The following PARVB variants were observed in gnomAD, a reference collection of about 807,000 sequenced individuals.
PARVB encodes beta-parvin.
Under a neutral mutation model 47.0 loss-of-function variants are expected in PARVB, and 46 were observed. That is an observed-to-expected ratio of 0.98 (90% CI 0.77 to 1.25). The LOEUF (loss-of-function observed/expected upper bound fraction) is 1.25, where lower values mean the gene tolerates loss of function less well. Ranked by LOEUF, PARVB falls within the 50% of genes most tolerant of loss-of-function variation. PARVB has a pLI of 0.00. For missense variants in PARVB, 473 were observed against 471.6 expected, an observed-to-expected ratio of 1.00 and a Z score of -0.03; for synonymous variants, 196 against 196.3, an observed-to-expected ratio of 1.00 and a Z score of 0.01.
At chr22:44,142,376 TCAAAAAAAAAA>T (rs2053570097) in intron 8 of PARVB, 1 of 38,104 alleles carries the variant, frequency 2.6e-5, no homozygotes, top group Non-Finnish European at 4.1e-5. Flanking sequence ...AGACTCTGTC[TCAAAAAAAAAA>T]AAAAAAAAAA....
At chr22:44,132,056 CG>C (rs1257063708) in intron 5 of PARVB, among the ~76,000 whole-genome samples, 2 of 152,192 alleles carry the variant, frequency 1.3e-5, no homozygotes, top group African/African-American at 4.8e-5. Context: ...GACATGAACC[CG>C]GCAGGTGAAA....
At chr22:44,104,722 C>G (rs1200436448) in intron 3 of PARVB, 1 of 152,360 alleles carries the variant, frequency 6.6e-6, no homozygotes, top group African/African-American at 2.4e-5. Context: ...TTCACTGCCC[C>G]AGCCACCCTG....
intron 1 of PARVB, among the ~76,000 whole-genome samples, chr22:44,058,889 C>T (rs2051366086): frequency 6.6e-6 from 1 of 151,784 alleles, no homozygotes; most frequent in South Asian, 2.1e-4. Context: ...ATTCAACCCA[C>T]AGTACCTGGT....
chr22:44,079,400 C>T (rs578175479), intron 1 of PARVB, among the ~76,000 whole-genome samples: 2 of 152,254 alleles, frequency 1.3e-5, no homozygotes, highest in East Asian at 3.9e-4. Flanking sequence ...TTCTTGGGGA[C>T]AAAGAGGAGA....
At chr22:44,006,137 G>T (rs943592480) in intron 2 of PARVB, among the ~76,000 whole-genome samples, 1 of 152,198 alleles carries the variant, frequency 6.6e-6, no homozygotes, top group African/African-American at 2.4e-5. Flanking sequence ...TAGAGGCAGG[G>T]TCTTGCTATG....
intron 3 of PARVB, among the ~76,000 whole-genome samples, chr22:44,101,673 G>C (rs1024396577): frequency 2.0e-5 from 3 of 150,898 alleles, no homozygotes; most frequent in African/African-American, 4.9e-5. Flanking sequence ...GCTTGAACCT[G>C]AGAGGCAGAT....
intron 1 of PARVB, among the ~76,000 whole-genome samples, chr22:44,087,849 T>G (rs2052062880): frequency 6.6e-6 from 1 of 150,610 alleles, no homozygotes; most frequent in African/African-American, 2.4e-5. Flanking sequence ...CGATGGTGTT[T>G]TTTTTTTTTT....
chr22:44,017,925 G>A (rs1307595878), intron 2 of PARVB, among the ~76,000 whole-genome samples: 1 of 152,140 alleles, frequency 6.6e-6, no homozygotes, highest in Admixed American at 6.5e-5. Flanking sequence ...GAATGATGTT[G>A]CATGTCACGT....
chr22:44,151,499 T>G lies in PARVB; in HGVS notation c.791T>G (p.Val264Gly), dbSNP rs113622568. The G allele has an allele frequency of 6.2e-7, 1 of 1,613,936 alleles. No individual in the cohort carries two copies. The highest frequency in any genetic ancestry group is 2.2e-5 in the East Asian group (1 of 44,884). ...TCTTGGCAGTCTCTCATCACTTTTG[T>G]GAACAAGCACCTGAACAAGCTGAAT... ...SVVKKSLITF[V>G]NKHLNKLNLE... Residue 264 changes from valine to glycine, a missense_variant, in exon 10 of 13, where the codon GTG becomes GGG. Coordinates refer to ENST00000338758, the MANE Select transcript of PARVB (RefSeq NM_013327.5).
At chr22:44,079,538 G>A (rs1312050234) in intron 1 of PARVB, among the ~76,000 whole-genome samples, 1 of 152,164 alleles carries the variant, frequency 6.6e-6, no homozygotes, top group African/African-American at 2.4e-5. Context: ...AGAGGGTGAG[G>A]GAATCTGACC....
chr22:44,163,768 T>G, intron 11 of PARVB, 90 bp from the exon 12 acceptor site: 1 of 1,146,266 alleles, frequency 8.7e-7, no homozygotes. Context: ...AGAGGCTCGG[T>G]CCTGTCCATG....
chr22:44,163,782 G>T (rs1234372459), intron 11 of PARVB, 76 bp from the exon 12 acceptor site: 2 of 1,261,582 alleles, frequency 1.6e-6, no homozygotes, highest in South Asian at 1.4e-5. Context: ...GTCCATGCCG[G>T]CTGTCCTCCA....
chr22:44,040,635 AG>A (rs112790801), intron 1 of PARVB, among the ~76,000 whole-genome samples: 28 of 152,300 alleles, frequency 1.8e-4, no homozygotes, highest in African/African-American at 5.8e-4. Context: ...GAGCTTCTAG[AG>A]GGAATGCAGC....
At chr22:44,131,133 TTCTCTC>T (rs34132028) in intron 4 of PARVB, among the ~76,000 whole-genome samples, 10 of 129,414 alleles carry the variant, frequency 7.7e-5, no homozygotes, top group Admixed American at 2.4e-4. Context: ...TTTTCTTTCT[TTCTCTC>T]TCTCTCTCTC....
chr22:44,078,803 C>T (rs888692901), intron 1 of PARVB, among the ~76,000 whole-genome samples: 1 of 152,200 alleles, frequency 6.6e-6, no homozygotes. Flanking sequence ...CAGCTCACTG[C>T]AGCCTCTGAC....
At chr22:44,088,038 G>C (rs1438554627) in intron 1 of PARVB, among the ~76,000 whole-genome samples, 1 of 151,954 alleles carries the variant, frequency 6.6e-6, no homozygotes, top group African/African-American at 2.4e-5. Flanking sequence ...GGTGTGTTAG[G>C]CCCCACTTTA....
chr22:44,021,275 C>T (rs900785293), upstream of PARVB, among the ~76,000 whole-genome samples: 5 of 152,296 alleles, frequency 3.3e-5, no homozygotes, highest in South Asian at 2.1e-4. Flanking sequence ...ATGGGGGTCC[C>T]GTGACCCTCA....
At chr22:44,099,260 C>T (rs1158416024) in intron 2 of PARVB, among the ~76,000 whole-genome samples, 2 of 152,206 alleles carry the variant, frequency 1.3e-5, no homozygotes, top group Non-Finnish European at 2.9e-5. Context: ...CTTGCCCTTC[C>T]CTGTGTGTGT....
chr22:44,081,648 G>C (rs1160001091), intron 1 of PARVB: 1 of 984,026 alleles, frequency 1.0e-6, no homozygotes, highest in East Asian at 1.1e-4. Context: ...GAGCCTGGCA[G>C]TCTCATGGGG....
Sources: allele counts gnomAD v4.1 joint callset (sites outside exome capture counted in the v4.1 genomes callset), GRCh38; gene constraint gnomAD v4.1.1; transcripts MANE v1.5; gene names NCBI Gene and HGNC (gene_info 2026-07-23, HGNC 2026-07-21).